SLC25A32: variants seen among roughly 807,000 people sequenced by gnomAD.
SLC25A32 encodes the protein Glycine auxotroph B, complementation of hamster.
In SLC25A32, 32 loss-of-function variants were observed where a neutral mutation model predicts 39.0. The ratio of observed to expected loss-of-function variants is 0.82; its 90% CI spans 0.62 to 1.10. The LOEUF is 1.10. Among genes scored for constraint, SLC25A32 ranks in the 50% least tolerant of loss-of-function variants. The pLI is 0.00. For missense variants in SLC25A32, 367 were observed against 395.3 expected (o/e 0.93, Z 0.61); for synonymous variants, 166 against 152.4 (o/e 1.09, Z -0.66).
intron 2 of SLC25A32, among the ~76,000 whole-genome samples, 199 bp from the exon 3 acceptor site, chr8:103,405,060 C>T (rs778067175): frequency 6.6e-6 from 1 of 152,048 alleles, no homozygotes; most frequent in Non-Finnish European, 1.5e-5. Context: ...CAAATGAATA[C>T]GGCTAGCAAT....
intron 2 of SLC25A32, among the ~76,000 whole-genome samples, chr8:103,405,115 A>G (rs1004158449): frequency 9.2e-5 from 14 of 152,194 alleles, no homozygotes; most frequent in Non-Finnish European, 1.0e-4. Flanking sequence ...ATTAACTTCA[A>G]AAGACAAGGA....
Position 103,414,730 on chromosome 8 carries a change from C to T in SLC25A32, c.154+54G>A. On this transcript the variant is annotated intron_variant, in intron 1 of 6. Transcript: ENST00000297578. ...CTAGAACGGAAAAGACGGAGGAGAT[C>T]CAGTTCGGGCTGACAGTGAGAGGAT... 3 of 1,607,762 alleles carry T rather than the reference C, an allele frequency of 1.9e-6. No individual in the cohort carries two copies. The Admixed American group carries it at 5.0e-5, about 27-fold the overall frequency.
chr8:103,406,264 G>A (rs1816331114), intron 2 of SLC25A32, among the ~76,000 whole-genome samples: 1 of 152,002 alleles, frequency 6.6e-6, no homozygotes, highest in Non-Finnish European at 1.5e-5. Flanking sequence ...TCACTTAAAA[G>A]ATACTTTAAG....
intron 4 of SLC25A32, 61 bp downstream of exon 4, chr8:103,403,096 ACTAAGAC>A: frequency 8.5e-7 from 1 of 1,181,954 alleles, no homozygotes; most frequent in Non-Finnish European, 1.2e-6. Flanking sequence ...GTCATTCAGA[ACTAAGAC>A]AACAGAGCCA....
chr8:103,410,376 C>A (rs960556658), intron 1 of SLC25A32, among the ~76,000 whole-genome samples: 2 of 152,166 alleles, frequency 1.3e-5, no homozygotes, highest in Admixed American at 1.3e-4. Flanking sequence ...TACAGCTGCT[C>A]CCCATTGCTT....
rs780204799 is a variant in SLC25A32 at position 103,407,759 on chromosome 8, C to A, written c.180G>T (p.Pro60=). Residue 60 remains proline, a synonymous_variant, in exon 2 of 7, where the codon CCG becomes CCT. Transcript: ENST00000297578. ...AGCAATGTAAAATTCCATTATATTT[C>A]GGTCTCAGTTCCAATCCATCACTCA... ...FAVSDGLELR[P]KYNGILHCLT... 1.2e-6 allele frequency: 2 copies of A among 1,613,108 alleles called. No individual in the cohort carries two copies. Among genetic ancestry groups the A allele is most frequent in the Non-Finnish European group, 1.7e-6 (2 of 1,179,574 alleles).
chr8:103,414,975 G>T lies in SLC25A32; in HGVS notation c.-38C>A. The T allele has an allele frequency of 6.3e-7, 1 of 1,580,246 alleles. No individual in the cohort carries two copies. The highest frequency in any genetic ancestry group is 8.6e-7 in the Non-Finnish European group (1 of 1,163,018). ...CGTCGACACCACGGCGCCCAGGGCC[G>T]CGGAGGTGGGACGCGATGCAGTGGC... On this transcript the variant is annotated 5_prime_UTR_variant, in exon 1 of 7. Transcript: ENST00000297578.
chr8:103,409,094 G>A (rs1816401890), intron 1 of SLC25A32, among the ~76,000 whole-genome samples: 1 of 152,168 alleles, frequency 6.6e-6, no homozygotes, highest in South Asian at 2.1e-4. Context: ...ACAAAGGTGT[G>A]AGCAGGTTAT....
intron 1 of SLC25A32, among the ~76,000 whole-genome samples, chr8:103,414,467 G>T (rs183901756): frequency 2.6e-5 from 4 of 152,186 alleles, no homozygotes; most frequent in African/African-American, 9.7e-5. Flanking sequence ...GCACGTGTGA[G>T]GACTAAACCT....
At chr8:103,406,991 C>T (rs546042097) in intron 2 of SLC25A32, among the ~76,000 whole-genome samples, 25 of 152,314 alleles carry the variant, frequency 1.6e-4, no homozygotes, top group East Asian at 5.8e-4. Context: ...CTGAAATCCA[C>T]AGGATTCATT....
chr8:103,405,578 T>C (rs888028609), intron 2 of SLC25A32, among the ~76,000 whole-genome samples: 6 of 152,266 alleles, frequency 3.9e-5, no homozygotes, highest in African/African-American at 1.4e-4. Flanking sequence ...TGTTTCAGAG[T>C]AAGGGAGTCA....
At chr8:103,407,560 T>C in intron 2 of SLC25A32, 74 bp downstream of exon 2, 2 of 1,225,854 alleles carry the variant, frequency 1.6e-6, no homozygotes, top group Non-Finnish European at 2.3e-6. Flanking sequence ...TCATTTTACA[T>C]TTACATGTAA....
chr8:103,408,747 T>C (rs1406295749), intron 1 of SLC25A32, among the ~76,000 whole-genome samples: 1 of 152,180 alleles, frequency 6.6e-6, no homozygotes, highest in Admixed American at 6.5e-5. Flanking sequence ...GCCATCATCA[T>C]CTGCATTGAT....
chr8:103,406,055 G>GTGTA (rs1816323731), intron 2 of SLC25A32, among the ~76,000 whole-genome samples: 1 of 134,188 alleles, frequency 7.5e-6, no homozygotes, highest in Non-Finnish European at 1.7e-5. Flanking sequence ...CATGATGTGT[G>GTGTA]TGTGTGTGTG....
intron 2 of SLC25A32, 63 bp from the exon 3 acceptor site, chr8:103,404,924 T>C: frequency 8.5e-7 from 1 of 1,178,658 alleles, no homozygotes; most frequent in Non-Finnish European, 1.2e-6. Flanking sequence ...TTTTAAAGTG[T>C]ATGTAAGTCA....
At chr8:103,406,218 A>G (rs1053050295) in intron 2 of SLC25A32, among the ~76,000 whole-genome samples, 1 of 152,106 alleles carries the variant, frequency 6.6e-6, no homozygotes, top group Non-Finnish European at 1.5e-5. Context: ...GAGAAAAAAT[A>G]TTTAAACAAT....
intron 3 of SLC25A32, 59 bp downstream of exon 3, chr8:103,404,717 A>C (rs1435359009): frequency 7.8e-7 from 1 of 1,276,982 alleles, no homozygotes; most frequent in African/African-American, 1.5e-5. Context: ...GAAATCAAAA[A>C]CCAAAACTGA....
intron 2 of SLC25A32, among the ~76,000 whole-genome samples, chr8:103,406,219 T>C (rs922299161): frequency 5.9e-5 from 9 of 152,108 alleles, no homozygotes; most frequent in Non-Finnish European, 1.0e-4. Flanking sequence ...AGAAAAAATA[T>C]TTAAACAATT....
chr8:103,414,929 G>A lies in SLC25A32; in HGVS notation c.9C>T (p.Gly3=), dbSNP rs1400372958. The A allele has an allele frequency of 5.6e-6, 9 of 1,605,512 alleles. No homozygotes were observed. Among genetic ancestry groups the A allele is most frequent in the East Asian group, 2.3e-5 (1 of 44,326 alleles). ...ACGACCCGGACGCCGACTGGCCCTG[G>A]CCCGTCATAGGCTCGGGGCCCGTCG... MT[G]QGQSASGSSA... The change falls in exon 1 of 7, where the codon GGC becomes GGT. Residue 3 remains glycine, a synonymous_variant. Transcript: ENST00000297578.
Sources: gnomAD v4.1 joint callset for allele counts (sites outside exome capture counted in the v4.1 genomes callset) on GRCh38, gnomAD v4.1.1 for gene constraint, MANE v1.5 for transcripts, NCBI Gene and HGNC (gene_info 2026-07-23, HGNC 2026-07-21) for gene names.